The following MTMR2 variants were observed in gnomAD, a reference collection of about 807,000 sequenced individuals.
The protein encoded by MTMR2 is myotubularin related protein 2.
A neutral mutation model predicts 86.9 loss-of-function variants in MTMR2; 55 were observed. The ratio of observed to expected loss-of-function variants is 0.63; its 90% CI spans 0.51 to 0.79. The LOEUF (loss-of-function observed/expected upper bound fraction) is 0.79, where lower values mean the gene tolerates loss of function less well. Ranked by LOEUF, MTMR2 falls within the 30% of genes least tolerant of loss-of-function variation. The pLI is 0.00. For synonymous variants in MTMR2, 241 were observed against 266.8 expected (o/e 0.90, Z 0.94); for missense variants, 659 against 772.3 (o/e 0.85, Z 1.74).
At chr11:95,923,586 A>C in intron 1 of MTMR2, 1 of 1,053,930 alleles carries the variant, frequency 9.5e-7, no homozygotes. Flanking sequence ...TTGAGAGGGA[A>C]TGAAAGACAG....
intron 2 of MTMR2, among the ~76,000 whole-genome samples, chr11:95,886,956 T>G (rs1328764050): frequency 6.6e-6 from 1 of 152,162 alleles, no homozygotes; most frequent in Non-Finnish European, 1.5e-5. Flanking sequence ...TAATGGCTAA[T>G]GATAGCATGA....
chr11:95,862,213 A>G, intron 4 of MTMR2, 59 bp downstream of exon 4: 1 of 1,554,450 alleles, frequency 6.4e-7, no homozygotes, highest in Non-Finnish European at 8.8e-7. Context: ...TCAGAAATGA[A>G]CAAAACTAGC....
chr11:95,848,092 G>T (rs950854295), intron 9 of MTMR2, among the ~76,000 whole-genome samples, 193 bp from the exon 10 acceptor site: 3 of 152,150 alleles, frequency 2.0e-5, no homozygotes, highest in Non-Finnish European at 4.4e-5. Flanking sequence ...TTTACAAAAT[G>T]AATATATACG....
rs776023078 is a variant in MTMR2 at position 95,862,013 on chromosome 11, A to G, written c.447T>C (p.Tyr149=). The G allele has an allele frequency of 1.2e-5, 19 of 1,612,782 alleles. No homozygotes were observed. In the Admixed American group the frequency reaches 1.3e-4, roughly 11 times the overall value. Residue 149 remains tyrosine, a synonymous_variant, in exon 5 of 15, where the codon TAT becomes TAC. Coordinates refer to ENST00000346299, the MANE Select transcript of MTMR2 (RefSeq NM_016156.6). ...GGASSRGENS[Y]GLETVCKDIR... is the part of the protein sequence containing the mutation. ...TTACCTTACACACAGTTTCTAGTCC[A>G]TAAGAATTTTCACCTCGACTAGAAG...
chr11:95,874,666 G>C (rs1172838259), intron 2 of MTMR2, among the ~76,000 whole-genome samples: 1 of 152,178 alleles, frequency 6.6e-6, no homozygotes, highest in Non-Finnish European at 1.5e-5. Flanking sequence ...TTGCTCGTTA[G>C]TTGATGCTTT....
intron 1 of MTMR2, among the ~76,000 whole-genome samples, chr11:95,893,364 C>T (rs1865775304): frequency 6.6e-6 from 1 of 152,038 alleles, no homozygotes; most frequent in African/African-American, 2.4e-5. Context: ...TAGATGCCAA[C>T]CCTTTCTAAA....
chr11:95,858,831 T>A (rs1055024976), intron 5 of MTMR2, among the ~76,000 whole-genome samples, 199 bp from the exon 6 acceptor site: 6 of 152,272 alleles, frequency 3.9e-5, no homozygotes, highest in African/African-American at 1.2e-4. Flanking sequence ...GGTACTCTAC[T>A]ATGAAGCAGA....
intron 2 of MTMR2, among the ~76,000 whole-genome samples, chr11:95,878,952 T>G (rs1263201899): frequency 6.6e-6 from 1 of 152,150 alleles, no homozygotes; most frequent in Non-Finnish European, 1.5e-5. Context: ...TTAACACCCT[T>G]GAAAGATAAG....
intron 6 of MTMR2, 88 bp downstream of exon 6, chr11:95,858,443 T>C: frequency 1.2e-6 from 1 of 864,710 alleles, no homozygotes; most frequent in Admixed American, 1.7e-5. Flanking sequence ...GGGATGTAAA[T>C]GTAGAGATTC....
At chr11:95,857,279 G>A (rs1396796192) in intron 7 of MTMR2, among the ~76,000 whole-genome samples, 2 of 152,048 alleles carry the variant, frequency 1.3e-5, no homozygotes, top group Non-Finnish European at 2.9e-5. Context: ...AAAGCATAGT[G>A]GACAGGAGGA....
rs954012752 is a variant in MTMR2 at position 95,838,220 on chromosome 11, C to T, written c.1480-13G>A. 7.5e-7 allele frequency: 1 copy of T among 1,337,184 alleles called. No homozygotes were observed. Among genetic ancestry groups the T allele is most frequent in the Middle Eastern group, 1.8e-4 (1 of 5,490 alleles). The allele number at this position is 1,337,184 out of a possible 1,614,324, so 82.8% of individuals were successfully genotyped here. ...ATGCGGTAGGAAACTGCAAATCAAA[C>T]ATCACAAACACATAAATTAAGACAT... On this transcript the variant is annotated splice_polypyrimidine_tract_variant and intron_variant, in intron 12 of 14. Transcript: ENST00000346299.
chr11:95,838,057 A>C, intron 13 of MTMR2, 37 bp downstream of exon 13: 308 of 1,191,884 alleles, frequency 2.6e-4, no homozygotes, highest in Non-Finnish European at 3.3e-4. Flanking sequence ...AGTATACAGT[A>C]GAGATAGTAT....
At chr11:95,865,701 A>G (rs930300627) in intron 2 of MTMR2, 25 bp from the exon 3 acceptor site, 1 of 1,575,028 alleles carries the variant, frequency 6.3e-7, no homozygotes, top group Non-Finnish European at 8.7e-7. Context: ...ACAAAAAAAG[A>G]AACATTTTTT....
At chr11:95,919,157 G>A (rs145686167) in intron 1 of MTMR2, among the ~76,000 whole-genome samples, 47 of 152,280 alleles carry the variant, frequency 3.1e-4, no homozygotes, top group Non-Finnish European at 6.3e-4. Context: ...TCACTCTTAA[G>A]TGACCTTGAG....
At chr11:95,862,471 A>G in intron 3 of MTMR2, 105 bp from the exon 4 acceptor site, 1 of 875,408 alleles carries the variant, frequency 1.1e-6, no homozygotes, top group African/African-American at 1.7e-5. Flanking sequence ...TTATGCTGAA[A>G]AATAACAGAA....
intron 7 of MTMR2, among the ~76,000 whole-genome samples, chr11:95,855,571 A>G (rs928615073): frequency 1.3e-5 from 2 of 152,272 alleles, no homozygotes; most frequent in East Asian, 3.9e-4. Context: ...TTTTGAAGAG[A>G]TATAGTCTAA....
chr11:95,921,159 A>G (rs1866906799), intron 1 of MTMR2, among the ~76,000 whole-genome samples: 1 of 152,258 alleles, frequency 6.6e-6, no homozygotes, highest in South Asian at 2.1e-4. Flanking sequence ...ACTAACAAAC[A>G]AGGAGCATAC....
intron 2 of MTMR2, among the ~76,000 whole-genome samples, chr11:95,882,724 TG>T (rs1390887400): frequency 0.023 from 3,369 of 148,238 alleles, 66 homozygotes; most frequent in Admixed American, 0.049. Context: ...TATTTTGTGT[TG>T]TTTTTTTTTT....
chr11:95,914,797 G>A (rs1340770595), intron 1 of MTMR2, among the ~76,000 whole-genome samples: 1 of 152,102 alleles, frequency 6.6e-6, no homozygotes, highest in Non-Finnish European at 1.5e-5. Flanking sequence ...TCAGGCATGT[G>A]TGTTCTTTAG....
Sources: gnomAD v4.1 joint callset for allele counts (sites outside exome capture counted in the v4.1 genomes callset) on GRCh38, gnomAD v4.1.1 for gene constraint, MANE v1.5 for transcripts, NCBI Gene and HGNC (gene_info 2026-07-23, HGNC 2026-07-21) for gene names.